UNC5D: variants seen among roughly 807,000 people sequenced by gnomAD.
UNC5D encodes the protein netrin receptor UNC5D.
A neutral mutation model predicts 105.4 loss-of-function variants in UNC5D; 39 were observed. The ratio of observed to expected loss-of-function variants is 0.37; its 90% CI spans 0.29 to 0.48. The LOEUF (loss-of-function observed/expected upper bound fraction) is 0.48. Ranked by LOEUF, UNC5D falls within the 20% of genes least tolerant of loss-of-function variation. The pLI is 0.98. For missense variants in UNC5D, 991 were observed against 1,202.4 expected (o/e 0.82, Z 2.60); for synonymous variants, 452 against 450.4 (o/e 1.00, Z -0.04).
At chr8:35,762,716 C>G (rs1012923178) in intron 14 of UNC5D, among the ~76,000 whole-genome samples, 1 of 152,112 alleles carries the variant, frequency 6.6e-6, no homozygotes, top group Non-Finnish European at 1.5e-5. Flanking sequence ...AAATCACTTT[C>G]CTTTATTCCT....
chr8:35,604,089 A>G (rs1025289797), intron 4 of UNC5D, among the ~76,000 whole-genome samples: 1 of 152,248 alleles, frequency 6.6e-6, no homozygotes, highest in South Asian at 2.1e-4. Context: ...TGTCATTATG[A>G]TGTTAGCTGG....
intron 1 of UNC5D, among the ~76,000 whole-genome samples, chr8:35,421,107 C>A (rs563944055): frequency 1.3e-5 from 2 of 152,110 alleles, no homozygotes; most frequent in South Asian, 4.1e-4. Context: ...TCTTCTGTGC[C>A]CATATCAAGG....
chr8:35,330,707 C>T (rs1810548551), intron 1 of UNC5D, among the ~76,000 whole-genome samples: 1 of 152,158 alleles, frequency 6.6e-6, no homozygotes, highest in Non-Finnish European at 1.5e-5. Flanking sequence ...ACGAGCCTGA[C>T]TTTGATTACC....
intron 1 of UNC5D, among the ~76,000 whole-genome samples, chr8:35,505,747 A>G (rs1275411630): frequency 6.6e-6 from 1 of 152,174 alleles, no homozygotes; most frequent in African/African-American, 2.4e-5. Flanking sequence ...TTTTATTTTT[A>G]AACCGAAGCC....
intron 1 of UNC5D, among the ~76,000 whole-genome samples, chr8:35,312,002 C>G (rs942785306): frequency 6.6e-6 from 1 of 152,140 alleles, no homozygotes; most frequent in African/African-American, 2.4e-5. Context: ...TTCCCTCATT[C>G]ATTTGGAATC....
chr8:35,436,415 T>C (rs1807017916), intron 1 of UNC5D, among the ~76,000 whole-genome samples: 3 of 152,070 alleles, frequency 2.0e-5, no homozygotes, highest in African/African-American at 7.2e-5. Flanking sequence ...ATCTACTTAA[T>C]TTAAGAAAGC....
chr8:35,324,008 C>T (rs948079162), intron 1 of UNC5D, among the ~76,000 whole-genome samples: 7 of 151,834 alleles, frequency 4.6e-5, no homozygotes, highest in East Asian at 1.9e-4. Context: ...GGCAGGAAGA[C>T]GGTTTGTGCC....
intron 1 of UNC5D, among the ~76,000 whole-genome samples, chr8:35,470,806 A>T (rs1485312196): frequency 1.8e-4 from 6 of 33,912 alleles, no homozygotes; most frequent in Admixed American, 9.3e-4. Context: ...AAATAAATAA[A>T]TAAATAAAAT....
At chr8:35,481,829 G>A (rs1299960910) in intron 1 of UNC5D, among the ~76,000 whole-genome samples, 1 of 152,024 alleles carries the variant, frequency 6.6e-6, no homozygotes, top group Non-Finnish European at 1.5e-5. Flanking sequence ...ATAATATGCT[G>A]GAGTTTTCAC....
chr8:35,331,073 G>C (rs541399756), intron 1 of UNC5D, among the ~76,000 whole-genome samples: 14 of 152,204 alleles, frequency 9.2e-5, no homozygotes, highest in Middle Eastern at 3.4e-3. Context: ...TTGGAAAACT[G>C]TTATCCAAAG....
At chr8:35,721,711 C>G (rs759965062) in intron 8 of UNC5D, among the ~76,000 whole-genome samples, 1 of 152,172 alleles carries the variant, frequency 6.6e-6, no homozygotes, top group Non-Finnish European at 1.5e-5. Context: ...TTTGTGAACT[C>G]TGGTCTTTCT....
chr8:35,774,697 C>T (rs368137861), intron 16 of UNC5D, among the ~76,000 whole-genome samples: 2 of 152,098 alleles, frequency 1.3e-5, no homozygotes, highest in South Asian at 4.1e-4. Flanking sequence ...TTTGGGAGGC[C>T]GAGGCAGGCA....
rs1397957051 is a variant in UNC5D, at chr8:35,305,679, CCT to C, written c.103+69795_103+69796del. Among the ~76,000 whole-genome samples, 4 of 119,260 alleles carry C rather than the reference CCT, an allele frequency of 3.4e-5. No homozygotes were observed. The East Asian group carries it at 9.7e-4, about 29-fold the overall frequency. 78.2% of individuals were successfully genotyped at this position (119,260 alleles called of 152,430 possible). ...TTTCTTTCTCTTTTTCTTTTCTTTC[CCT>C]CTTTCTTTTCTTCCTCCCTCCCTGC... On this transcript the variant is annotated intron_variant, in intron 1 of 16. Transcript: ENST00000404895.
rs1043516291 is a variant in UNC5D at position 35,638,837 on chromosome 8, C to A, written c.570+43180C>A. On this transcript the variant is annotated intron_variant, in intron 4 of 16. Transcript: ENST00000404895. ...GTGACATAAATTATCCTGAGACTAG[C>A]CTCAGTCACAGTATGAAGAGTAGAT... 2.6e-5 allele frequency among the ~76,000 whole-genome samples: 4 copies of A among 151,974 alleles called. No homozygotes were observed. In the East Asian group the frequency reaches 7.7e-4, roughly 29 times the overall value.
intron 15 of UNC5D, among the ~76,000 whole-genome samples, chr8:35,770,722 G>T (rs139497628): frequency 4.3e-4 from 65 of 152,262 alleles, no homozygotes; most frequent in African/African-American, 1.5e-3. Flanking sequence ...CATTATTAAA[G>T]AATCTTTTCT....
intron 1 of UNC5D, among the ~76,000 whole-genome samples, chr8:35,476,668 T>C (rs1810122131): frequency 6.6e-6 from 1 of 152,178 alleles, no homozygotes; most frequent in Non-Finnish European, 1.5e-5. Flanking sequence ...TCTCGTACCC[T>C]GCCTTCTGAA....
At chr8:35,340,406 C>T (rs1386758239) in intron 1 of UNC5D, among the ~76,000 whole-genome samples, 2 of 152,136 alleles carry the variant, frequency 1.3e-5, no homozygotes, top group African/African-American at 4.8e-5. Context: ...AGAGTTATTA[C>T]TCTATAGGTT....
intron 1 of UNC5D, among the ~76,000 whole-genome samples, chr8:35,447,792 G>C (rs2128988647): frequency 6.6e-6 from 1 of 152,154 alleles, no homozygotes; most frequent in South Asian, 2.1e-4. Flanking sequence ...CTCATCGAGT[G>C]ATAGAGATTT....
At position 35,513,376 on chromosome 8, in the gene UNC5D, G is replaced by A. The variant is rs998629169; in HGVS notation, c.104-35916G>A. Among the ~76,000 whole-genome samples the A allele has an allele frequency of 3.9e-5, 6 of 151,924 alleles. No individual in the cohort carries two copies. The East Asian group carries it at 9.7e-4, about 25-fold the overall frequency. Reference sequence around the variant, plus strand: ...CCCAAGTAGCTGGGATTACAGGCACGTGCCACCATGCCTGGCTGATTTTTT... The same window carrying A: ...CCCAAGTAGCTGGGATTACAGGCACATGCCACCATGCCTGGCTGATTTTTT... On this transcript the variant is annotated intron_variant, in intron 1 of 16. Transcript: ENST00000404895.
Sources: allele counts gnomAD v4.1 joint callset (sites outside exome capture counted in the v4.1 genomes callset), GRCh38; gene constraint gnomAD v4.1.1; transcripts MANE v1.5; gene names NCBI Gene and HGNC (gene_info 2026-07-23, HGNC 2026-07-21).